Variants in SHISA9 observed in about 807,000 individuals in gnomAD.
SHISA9 encodes the protein protein shisa-9.
Under a neutral mutation model 38.0 loss-of-function variants are expected in SHISA9, and 13 were observed. The ratio of observed to expected loss-of-function variants is 0.34; its 90% CI spans 0.22 to 0.54. SHISA9 has a LOEUF of 0.54. Among genes scored for constraint, SHISA9 ranks in the 20% least tolerant of loss-of-function variants. The pLI, the probability that SHISA9 is intolerant of heterozygous loss-of-function variation, is 0.91. For synonymous variants in SHISA9, 275 were observed against 242.0 expected (o/e 1.14, Z -1.27); for missense variants, 538 against 575.8 (o/e 0.93, Z 0.67).
chr16:13,267,457 T>C, the SHISA9 span, among the ~76,000 whole-genome samples: 2 of 152,210 alleles, frequency 1.3e-5, no homozygotes, highest in Non-Finnish European at 2.9e-5. Context: ...TGTGAGTTTG[T>C]ACAGCCCTTT....
chr16:13,014,681 G>A (rs1245948399), intron 2 of SHISA9, among the ~76,000 whole-genome samples: 7 of 152,200 alleles, frequency 4.6e-5, no homozygotes, highest in Admixed American at 4.6e-4. Context: ...ACAGCAGAGA[G>A]CTGGGAGGAA....
intron 2 of SHISA9, among the ~76,000 whole-genome samples, chr16:13,104,296 C>G (rs1231675430): frequency 1.3e-5 from 2 of 152,120 alleles, no homozygotes; most frequent in Non-Finnish European, 1.5e-5. Context: ...TTGGCAGTTT[C>G]TTAAAATGTT....
the SHISA9 span, among the ~76,000 whole-genome samples, chr16:13,313,625 A>G: frequency 6.6e-6 from 1 of 152,354 alleles, no homozygotes; most frequent in Non-Finnish European, 1.5e-5. Flanking sequence ...ACTATTGAAA[A>G]GGAAACATTG....
chr16:13,253,506 C>A, the SHISA9 span, among the ~76,000 whole-genome samples: 10 of 152,124 alleles, frequency 6.6e-5, no homozygotes, highest in Non-Finnish European at 7.3e-5. Context: ...GGAGGCCTCA[C>A]AATCATGGTA....
At chr16:12,978,927 A>T (rs1056695138) in intron 2 of SHISA9, among the ~76,000 whole-genome samples, 1 of 152,166 alleles carries the variant, frequency 6.6e-6, no homozygotes, top group African/African-American at 2.4e-5. Flanking sequence ...AATTTTCTGT[A>T]TCTGGAGAAG....
At chr16:13,342,089 G>A in the SHISA9 span, among the ~76,000 whole-genome samples, 1 of 152,122 alleles carries the variant, frequency 6.6e-6, no homozygotes, top group Non-Finnish European at 1.5e-5. Context: ...TAGTTAAGCT[G>A]CCATGGTCTG....
At chr16:13,153,385 G>A (rs527904695) in intron 2 of SHISA9, among the ~76,000 whole-genome samples, 2 of 152,318 alleles carry the variant, frequency 1.3e-5, no homozygotes, top group Non-Finnish European at 2.9e-5. Context: ...CAGGGATGGA[G>A]AATTGGAGAA....
At chr16:13,465,294 G>A in the SHISA9 span, among the ~76,000 whole-genome samples, 11 of 152,184 alleles carry the variant, frequency 7.2e-5, no homozygotes, top group Non-Finnish European at 1.5e-4. Context: ...CCCCAGTTGA[G>A]GACTGCTGCT....
the SHISA9 span, among the ~76,000 whole-genome samples, chr16:13,331,086 G>A: frequency 7.9e-5 from 12 of 152,172 alleles, no homozygotes; most frequent in African/African-American, 2.9e-4. Context: ...TCAGAACCAA[G>A]TAATAGATAT....
the SHISA9 span, among the ~76,000 whole-genome samples, chr16:13,323,434 G>C: frequency 1.3e-5 from 2 of 152,156 alleles, no homozygotes; most frequent in African/African-American, 2.4e-5. Flanking sequence ...AATATAGTTT[G>C]GATGTTTGTC....
Position 13,192,709 on chromosome 16 carries a change from G to A in SHISA9, c.692-10685G>A, listed in dbSNP as rs540767150. 2.1e-3 allele frequency among the ~76,000 whole-genome samples: 318 copies of A among 152,044 alleles called. 1 individual carries two copies. The highest frequency in any genetic ancestry group is 7.1e-3 in the African/African-American group (295 of 41,506). On this transcript the variant is annotated intron_variant, in intron 2 of 4. Transcript: ENST00000558583. ...ACTAACACGGTGAAACCCCATCTCTGCTAAAAATACAAAAAATTACCCGGG... is the reference window on the plus strand; with the variant it reads ...ACTAACACGGTGAAACCCCATCTCTACTAAAAATACAAAAAATTACCCGGG...
rs149164549 is a variant in SHISA9, at chr16:12,979,247, C to G, written c.691+62432C>G. ...ATTGTTGTCAAAGTAATGATTAATT[C>G]CAGAAACATTTTTCGAGTATCTGCT... is the stretch of plus-strand genomic sequence containing the variant. On this transcript the variant is annotated intron_variant, in intron 2 of 4. Transcript: ENST00000558583. 6.1e-3 allele frequency among the ~76,000 whole-genome samples: 930 copies of G among 152,064 alleles called. 10 individuals carry two copies. The highest frequency in any genetic ancestry group is 0.021 in the African/African-American group (882 of 41,492).
rs532733618 is a variant in SHISA9, at chr16:13,060,633, A to G, written c.692-142761A>G. On this transcript the variant is annotated intron_variant, in intron 2 of 4. Coordinates refer to ENST00000558583, the MANE Select transcript of SHISA9 (RefSeq NM_001145204.3). Reference sequence around the variant, plus strand: ...AGTCTGGGCAACACAGTGAGACCCCATCTCAAAAAAAAAAAAAAAAAAAAA... The same window carrying G: ...AGTCTGGGCAACACAGTGAGACCCCGTCTCAAAAAAAAAAAAAAAAAAAAA... Among the ~76,000 whole-genome samples, 312 of 94,898 alleles carry G rather than the reference A, an allele frequency of 3.3e-3. 3 individuals are homozygous for G. Among genetic ancestry groups the G allele is most frequent in the Middle Eastern group, 6.0e-3 (1 of 168 alleles). The allele number at this position is 94,898 out of a possible 152,430, so 62.3% of individuals were successfully genotyped here. A position where few individuals can be genotyped will look rare whatever the true frequency, so the allele number is the denominator to read the frequency against.
At chr16:13,321,336 C>G in the SHISA9 span, among the ~76,000 whole-genome samples, 1 of 152,274 alleles carries the variant, frequency 6.6e-6, no homozygotes, top group South Asian at 2.1e-4. Flanking sequence ...AATAGCATGT[C>G]AATAAATGAA....
the SHISA9 span, among the ~76,000 whole-genome samples, chr16:13,274,295 T>C: frequency 2.0e-5 from 3 of 152,190 alleles, no homozygotes; most frequent in East Asian, 1.9e-4. Flanking sequence ...TGAATCCTTT[T>C]TGATGCTCTG....
chr16:13,147,569 TCTC>T (rs2050458795), intron 2 of SHISA9, among the ~76,000 whole-genome samples: 1 of 149,082 alleles, frequency 6.7e-6, no homozygotes, highest in South Asian at 2.2e-4. Context: ...CTCAAACAAT[TCTC>T]CTGCCTCAGC....
chr16:13,510,072 G>A, the SHISA9 span, among the ~76,000 whole-genome samples: 3 of 152,130 alleles, frequency 2.0e-5, no homozygotes, highest in East Asian at 1.9e-4. Flanking sequence ...TTGGGAGGCC[G>A]AGGTGGGCAG....
intron 2 of SHISA9, among the ~76,000 whole-genome samples, chr16:12,982,463 T>G (rs1245872821): frequency 1.3e-5 from 2 of 152,180 alleles, no homozygotes; most frequent in Non-Finnish European, 2.9e-5. Flanking sequence ...CAGAAAGTCA[T>G]TCACAAACTG....
intron 2 of SHISA9, among the ~76,000 whole-genome samples, chr16:13,079,232 T>G (rs2073619451): frequency 1.3e-5 from 2 of 152,204 alleles, no homozygotes; most frequent in South Asian, 4.1e-4. Flanking sequence ...CTGTGTATCT[T>G]ACAAGCTTTG....
Sources: gnomAD v4.1 joint callset for allele counts (sites outside exome capture counted in the v4.1 genomes callset) on GRCh38, gnomAD v4.1.1 for gene constraint, MANE v1.5 for transcripts, NCBI Gene and HGNC (gene_info 2026-07-23, HGNC 2026-07-21) for gene names.